Variants in ZNF362 observed in about 807,000 individuals in gnomAD.
The protein encoded by ZNF362 is zinc finger protein 362.
ZNF362 carries 11 observed loss-of-function variants against 42.9 expected under a neutral mutation model. The observed-to-expected ratio is 0.26, with a 90% CI of 0.16 to 0.42. The LOEUF (loss-of-function observed/expected upper bound fraction) is 0.42. Ranked by LOEUF, ZNF362 falls within the 20% of genes least tolerant of loss-of-function variation. ZNF362 has a pLI of 1.00. For missense variants in ZNF362, 362 were observed against 576.2 expected (o/e 0.63, Z 3.81); for synonymous variants, 255 against 257.3 (o/e 0.99, Z 0.09).
the ZNF362 span, among the ~76,000 whole-genome samples, chr1:33,188,197 C>T: frequency 6.6e-6 from 1 of 152,108 alleles, no homozygotes; most frequent in Non-Finnish European, 1.5e-5. Context: ...TGCCACTGCA[C>T]TCCAGCCTGG....
chr1:33,140,687 G>T, the ZNF362 span, among the ~76,000 whole-genome samples: 40 of 152,228 alleles, frequency 2.6e-4, no homozygotes, highest in African/African-American at 9.6e-4. This position sits in a 1 kb window ranked among gnomAD's most constrained non-coding sequence, Gnocchi z 4.0. Flanking sequence ...CCTGGGCTGG[G>T]CTTTGTCCTT....
intron 6 of ZNF362, among the ~76,000 whole-genome samples, chr1:33,284,726 C>T (rs935158984): frequency 5.9e-5 from 9 of 151,592 alleles, no homozygotes; most frequent in Admixed American, 1.3e-4. Context: ...TGAGGATTAG[C>T]GACAGTAATA....
At chr1:33,293,001 A>T (rs1646090681) in intron 6 of ZNF362, among the ~76,000 whole-genome samples, 1 of 152,126 alleles carries the variant, frequency 6.6e-6, no homozygotes, top group African/African-American at 2.4e-5. Context: ...GGAAGGCCAG[A>T]CCCCAGGCCT....
the ZNF362 span, among the ~76,000 whole-genome samples, chr1:33,150,820 C>T: frequency 6.6e-6 from 1 of 152,078 alleles, no homozygotes; most frequent in Non-Finnish European, 1.5e-5. Flanking sequence ...ATAGGTGGGC[C>T]ACCCCTATGA....
At chr1:33,219,471 C>T in the ZNF362 span, among the ~76,000 whole-genome samples, 1 of 152,110 alleles carries the variant, frequency 6.6e-6, no homozygotes, top group Non-Finnish European at 1.5e-5. Flanking sequence ...GGGCAGGAGC[C>T]CAGCGAGGAA....
intron 6 of ZNF362, among the ~76,000 whole-genome samples, chr1:33,282,579 T>C (rs1396671449): frequency 6.6e-6 from 1 of 152,146 alleles, no homozygotes; most frequent in Non-Finnish European, 1.5e-5. Flanking sequence ...CCCAGCACTT[T>C]AGGAGGCTGA....
chr1:33,189,613 G>A, the ZNF362 span, among the ~76,000 whole-genome samples: 5 of 135,408 alleles, frequency 3.7e-5, no homozygotes, highest in South Asian at 1.2e-3. Flanking sequence ...TGGGGCTGGG[G>A]TTCAGAAATT....
At chr1:33,216,874 C>G in the ZNF362 span, among the ~76,000 whole-genome samples, 3 of 151,620 alleles carry the variant, frequency 2.0e-5, no homozygotes. Flanking sequence ...AGGGTGGGTT[C>G]ACATCACTGA....
intron 8 of ZNF362, among the ~76,000 whole-genome samples, chr1:33,298,607 C>T: frequency 6.6e-6 from 1 of 152,212 alleles, no homozygotes. Flanking sequence ...GATGCAGGCA[C>T]AGTGCTTCAC....
chr1:33,269,083 G>A (rs887448075), intron 1 of ZNF362, among the ~76,000 whole-genome samples: 1 of 152,114 alleles, frequency 6.6e-6, no homozygotes, highest in South Asian at 2.1e-4. Flanking sequence ...CACCTCTTCC[G>A]GATAGCCCTT....
the ZNF362 span, chr1:33,159,668 C>A: frequency 6.3e-7 from 1 of 1,592,050 alleles, no homozygotes; most frequent in East Asian, 2.2e-5. The surrounding 1 kb of genome is among the most constrained non-coding windows in gnomAD (Gnocchi z 4.2). Flanking sequence ...CCGGGGAGGG[C>A]CCCGGCGGGT....
the ZNF362 span, chr1:33,147,816 TG>T: frequency 6.8e-7 from 1 of 1,479,756 alleles, no homozygotes; most frequent in African/African-American, 1.4e-5. This position sits in a 1 kb window ranked among gnomAD's most constrained non-coding sequence, Gnocchi z 8.1. Context: ...GAGTTCTGGT[TG>T]GTACGCAGGA....
the ZNF362 span, among the ~76,000 whole-genome samples, chr1:33,157,364 T>A: frequency 6.6e-6 from 1 of 152,118 alleles, no homozygotes; most frequent in African/African-American, 2.4e-5. Context: ...GGAGCACTCT[T>A]CCTCCAGATA....
At chr1:33,289,485 T>C (rs1053924706) in intron 6 of ZNF362, among the ~76,000 whole-genome samples, 2 of 151,990 alleles carry the variant, frequency 1.3e-5, no homozygotes, top group African/African-American at 4.8e-5. Flanking sequence ...GCCGGGCAGT[T>C]GTTGCACGTG....
At chr1:33,157,031 C>A in the ZNF362 span, among the ~76,000 whole-genome samples, 2 of 149,640 alleles carry the variant, frequency 1.3e-5, no homozygotes, top group African/African-American at 4.9e-5. Context: ...CCATCCTTCA[C>A]CCCCTTCGGT....
the ZNF362 span, among the ~76,000 whole-genome samples, chr1:33,135,536 G>T: frequency 1.3e-5 from 2 of 152,132 alleles, no homozygotes; most frequent in Non-Finnish European, 2.9e-5. Flanking sequence ...CTTCTCTGTT[G>T]CCCTCAGGAT....
chr1:33,244,292 G>A, the ZNF362 span, among the ~76,000 whole-genome samples: 1 of 152,082 alleles, frequency 6.6e-6, no homozygotes, highest in African/African-American at 2.4e-5. The surrounding 1 kb of genome is among the most constrained non-coding windows in gnomAD (Gnocchi z 4.0). Context: ...CTGGGCCTAG[G>A]GTTTTGACAC....
intron 6 of ZNF362, among the ~76,000 whole-genome samples, chr1:33,288,763 G>A (rs376878474): frequency 0.18 from 4,572 of 24,980 alleles, 9 homozygotes; most frequent in Non-Finnish European, 0.23. Flanking sequence ...AAAAAAAAAA[G>A]AAGCGTGACC....
chr1:33,193,939 A>G, the ZNF362 span, among the ~76,000 whole-genome samples: 6 of 152,322 alleles, frequency 3.9e-5, no homozygotes, highest in South Asian at 1.2e-3. Context: ...TCTTGAAGGG[A>G]GATCTTAGTG....
Sources: gnomAD v4.1 joint callset for allele counts (sites outside exome capture counted in the v4.1 genomes callset) on GRCh38, gnomAD v4.1.1 for gene constraint, Gnocchi (gnomAD v3.1) non-coding constraint, MANE v1.5 for transcripts, NCBI Gene and HGNC (gene_info 2026-07-23, HGNC 2026-07-21) for gene names.